EDRF1: variants seen among roughly 807,000 people sequenced by gnomAD.
EDRF1 encodes the protein erythroid differentiation regulatory factor 1, also known as erythroid differentiation-related factor 1.
A neutral mutation model predicts 148.7 loss-of-function variants in EDRF1; 69 were observed. That is an observed-to-expected ratio of 0.46 (90% CI 0.38 to 0.57). The LOEUF is 0.57. EDRF1 is among the 20% of genes least tolerant of loss of function. The pLI is 0.00. For missense variants in EDRF1, 1,118 were observed against 1,478.7 expected (o/e 0.76, Z 4.00); for synonymous variants, 515 against 532.8 (o/e 0.97, Z 0.46).
chr10:125,741,572 T>G, intron 17 of EDRF1: 2 of 291,354 alleles, frequency 6.9e-6, no homozygotes, highest in South Asian at 6.6e-5. Flanking sequence ...ATTTTAAGAT[T>G]AAGCATGATC....
rs758137887 is a variant in EDRF1, at chr10:125,756,992, T to C, written c.3545+3147T>C. On this transcript the variant is annotated intron_variant, in intron 24 of 24. Coordinates refer to ENST00000356792, the MANE Select transcript of EDRF1 (RefSeq NM_001202438.2). ...GACACCCAACTAATTTTTTAATTTT[T>C]TGTAGAGATGGGGTCTTGCCATGTT... 7 of 414,130 alleles carry C rather than the reference T, an allele frequency of 1.7e-5. No homozygotes were observed. In the East Asian group the frequency reaches 4.5e-4, roughly 27 times the overall value. The allele number at this position is 414,130 out of a possible 1,614,324, so 25.7% of individuals were successfully genotyped here.
intron 13 of EDRF1, among the ~76,000 whole-genome samples, chr10:125,736,751 T>A: frequency 6.6e-6 from 1 of 151,876 alleles, no homozygotes; most frequent in East Asian, 1.9e-4. Context: ...AGGGTCTTTG[T>A]ATTTGCTGTT....
intron 22 of EDRF1, 129 bp downstream of exon 22, chr10:125,749,694 C>T (rs1007156336): frequency 1.5e-5 from 16 of 1,087,820 alleles, no homozygotes; most frequent in East Asian, 1.0e-4. Context: ...TTAATGACTT[C>T]GGGTAGAGAG....
In EDRF1 at chr10:125,734,164, A is replaced by G. The variant is rs1192854462; in HGVS notation, c.1478A>G (p.Asp493Gly). The G allele has an allele frequency of 6.2e-7, 1 of 1,611,024 alleles. No individual in the cohort carries two copies. Among genetic ancestry groups the G allele is most frequent in the Non-Finnish European group, 8.5e-7 (1 of 1,177,430 alleles). The part of the protein sequence containing the change: ...TLLLNCLKLL[D>G]KSRHPQIIAS... The stretch of plus-strand genomic sequence containing the variant: ...CTTCTTAATTGTCTGAAATTACTGG[A>G]CAAAAGTAGGCATCCTCAAGTAAGA... The change falls in exon 12 of 25, where the codon GAC (aspartate) becomes GGC (glycine). Residue 493 changes from aspartate to glycine, a missense_variant. By Grantham distance (94) the Asp-to-Gly change is moderately conservative. Coordinates refer to ENST00000356792, the MANE Select transcript of EDRF1 (RefSeq NM_001202438.2).
intron 21 of EDRF1, chr10:125,748,825 T>C (rs1849506299): frequency 6.1e-6 from 1 of 164,848 alleles, no homozygotes; most frequent in South Asian, 1.6e-4. Flanking sequence ...CATATAGATA[T>C]CTAGTTGTCC....
intron 1 of EDRF1, 128 bp downstream of exon 1, chr10:125,720,043 A>C: frequency 1.3e-6 from 1 of 760,962 alleles, no homozygotes; most frequent in Admixed American, 2.8e-5. Context: ...CCCCCAAAAC[A>C]GGGAGTTGAA....
rs1847985243 is a variant in EDRF1 at position 125,721,233 on chromosome 10, A to C, written c.138A>C (p.Glu46Asp). ...CAGCTTTATTTCTTGGAGGCAATGA[A>C]GTGAAGAGCCGAGCTGTGGTGAAAT... is the stretch of plus-strand genomic sequence containing the variant. ...QGSALFLGGN[E>D]VKSRAVVKYS... The change falls in exon 2 of 25, where the codon GAA (glutamate) becomes GAC (aspartate). Residue 46 changes from glutamate (E) to aspartate (D), a missense_variant. By Grantham distance (45) the Glu-to-Asp change is conservative. This residue lies in a region of EDRF1 where 99 missense variants were observed against 186.9 expected (regional missense o/e 0.53). Coordinates refer to ENST00000356792, the MANE Select transcript of EDRF1 (RefSeq NM_001202438.2). 1 of 1,614,098 alleles carries C rather than the reference A, an allele frequency of 6.2e-7. No individual in the cohort carries two copies. Among genetic ancestry groups the C allele is most frequent in the African/African-American group, 1.3e-5 (1 of 74,940 alleles).
At position 125,763,681 on chromosome 10, in the gene EDRF1, T is replaced by A; in HGVS notation, c.*209T>A. On this transcript the variant is annotated 3_prime_UTR_variant, in exon 25 of 25. Coordinates refer to ENST00000356792, the MANE Select transcript of EDRF1 (RefSeq NM_001202438.2). This position sits in a 1 kb window ranked among gnomAD's most constrained non-coding sequence, Gnocchi z 4.3. ...GAAGTGCTAACATCAGAATCAAACT[T>A]AAAGCTTCCACTATTTATGTCTTTG... 1 of 615,098 alleles carries A rather than the reference T, an allele frequency of 1.6e-6. No homozygotes were observed. The highest frequency in any genetic ancestry group is 2.8e-6 in the Non-Finnish European group (1 of 353,092). 38.1% of individuals were successfully genotyped at this position (615,098 alleles called of 1,614,324 possible).
rs978258830 is a variant in EDRF1 at position 125,742,786 on chromosome 10, G to C, written c.2372-272G>C. 8 of 984,360 alleles carry C rather than the reference G, an allele frequency of 8.1e-6. No individual in the cohort carries two copies. In the African/African-American group the frequency reaches 1.4e-4, roughly 17 times the overall value. The allele number at this position is 984,360 out of a possible 1,614,324, so 61.0% of individuals were successfully genotyped here. A position where few individuals can be genotyped will look rare whatever the true frequency, so the allele number is the denominator to read the frequency against. On this transcript the variant is annotated intron_variant, in intron 17 of 24. Coordinates refer to ENST00000356792, the MANE Select transcript of EDRF1 (RefSeq NM_001202438.2). ...ACTTTAGGTCCATTCTAATAAACAA[G>C]TGTACCTGGGAAAACCTGGGTCACA...
intron 24 of EDRF1, among the ~76,000 whole-genome samples, chr10:125,762,771 C>T (rs1311592191): frequency 3.3e-5 from 5 of 152,144 alleles, no homozygotes; most frequent in East Asian, 3.8e-4. Context: ...GCTCTAGAGA[C>T]GGCAGTACAA....
At chr10:125,724,846 TAAAG>T (rs772206859) in intron 4 of EDRF1, among the ~76,000 whole-genome samples, 2 of 152,210 alleles carry the variant, frequency 1.3e-5, no homozygotes, top group Admixed American at 1.3e-4. Flanking sequence ...AGTGCTTTGA[TAAAG>T]AAAATTAAAT....
rs757668626 is a variant in EDRF1, at chr10:125,729,452, G to C, written c.989G>C (p.Arg330Thr). 1 of 1,614,190 alleles carries C rather than the reference G, an allele frequency of 6.2e-7. No homozygotes were observed. Among genetic ancestry groups the C allele is most frequent in the Admixed American group, 1.7e-5 (1 of 60,034 alleles). The change falls in exon 8 of 25, where the codon AGA becomes ACA. Residue 330 changes from arginine to threonine, a missense_variant. Transcript: ENST00000356792. ...AACATGCCCATATTTGGAGGAGGCA[G>C]ATACCCAGCAGTCAGCTTACGTCTC... ...GSNMPIFGGG[R>T]YPAVSLRLRD...
chr10:125,730,010 A>G (rs958830743), intron 8 of EDRF1, among the ~76,000 whole-genome samples: 1 of 152,208 alleles, frequency 6.6e-6, no homozygotes, highest in Admixed American at 6.5e-5. Context: ...TGTGAGGAGC[A>G]GGCAGTAGGC....
rs746466990 is a variant in EDRF1 at position 125,725,392 on chromosome 10, C to T, written c.585C>T (p.Ser195=). The T allele has an allele frequency of 6.2e-7, 1 of 1,613,906 alleles. No homozygotes were observed. The highest frequency in any genetic ancestry group is 1.1e-5 in the South Asian group (1 of 91,080). ...IDQKWQRKKK[S]KEHWYQKAIL... ...AGAAGTGGCAGAGGAAGAAAAAGAG[C>T]AAAGAGCACTGGTATCAAAAGGCAA... is the stretch of plus-strand genomic sequence containing the variant. Residue 195 remains serine (S), a synonymous_variant, in exon 5 of 25, where the codon AGC becomes AGT. Coordinates refer to ENST00000356792, the MANE Select transcript of EDRF1 (RefSeq NM_001202438.2).
At chr10:125,759,556 A>T (rs1274006866) in intron 24 of EDRF1, among the ~76,000 whole-genome samples, 2 of 152,130 alleles carry the variant, frequency 1.3e-5, no homozygotes, top group East Asian at 3.9e-4. Flanking sequence ...TGAACCCAGG[A>T]GTTCAAGGCC....
intron 22 of EDRF1, among the ~76,000 whole-genome samples, chr10:125,750,063 C>T (rs1348268564): frequency 6.6e-6 from 1 of 152,154 alleles, no homozygotes; most frequent in East Asian, 1.9e-4. Context: ...ATCACTTGAA[C>T]CCAGGAGGCG....
At chr10:125,753,014 C>T (rs1471498267) in intron 23 of EDRF1, 100 bp downstream of exon 23, 12 of 799,358 alleles carry the variant, frequency 1.5e-5, no homozygotes, top group Admixed American at 3.7e-5. Context: ...GGTATATATA[C>T]ACACATGTAC....
chr10:125,752,932 C>T lies in EDRF1; in HGVS notation c.3393+18C>T, dbSNP rs1313050078. On this transcript the variant is annotated intron_variant, in intron 23 of 24. Coordinates refer to ENST00000356792, the MANE Select transcript of EDRF1 (RefSeq NM_001202438.2). ...TTGGCCAGGTACATGGAGAAAATGA[C>T]TGTCTTTGGTTTTTGTGTGTCTTAA... The T allele has an allele frequency of 1.3e-6, 2 of 1,573,766 alleles. No individual in the cohort carries two copies. The highest frequency in any genetic ancestry group is 8.7e-7 in the Non-Finnish European group (1 of 1,143,956).
At position 125,741,109 on chromosome 10, in the gene EDRF1, A is replaced by G. The variant is rs142281482; in HGVS notation, c.2279A>G (p.Asn760Ser). The change falls in exon 17 of 25, where the codon AAT becomes AGT. Residue 760 changes from asparagine to serine, a missense_variant. By Grantham distance (46) the Asn-to-Ser change is conservative. This residue lies in a region of EDRF1 where 954 missense variants were observed against 1,241.4 expected (regional missense o/e 0.77). Transcript: ENST00000356792. ...DIQLMLAQNA[N>S]NRAAHLEEFH... Reference sequence around the variant, plus strand: ...CAACTAATGCTGGCCCAGAATGCAAATAATAGAGCAGCACACCTTGAAGAG... The same window carrying G: ...CAACTAATGCTGGCCCAGAATGCAAGTAATAGAGCAGCACACCTTGAAGAG... The G allele has an allele frequency of 1.2e-6, 2 of 1,614,154 alleles. No homozygotes were observed. Among genetic ancestry groups the G allele is most frequent in the Non-Finnish European group, 1.7e-6 (2 of 1,180,038 alleles).
Sources: gnomAD v4.1 joint callset for allele counts (sites outside exome capture counted in the v4.1 genomes callset) on GRCh38, gnomAD v4.1.1 for gene constraint, gnomAD v4.1.1 regional missense constraint, Gnocchi (gnomAD v3.1) non-coding constraint, MANE v1.5 for transcripts, NCBI Gene and HGNC (gene_info 2026-07-23, HGNC 2026-07-21) for gene names.